The following SRP19 variants were observed in gnomAD, a reference collection of about 807,000 sequenced individuals.
SRP19 encodes signal recognition particle 19, also known as signal recognition particle 19 kDa protein.
In SRP19, 11 loss-of-function variants were observed where a neutral mutation model predicts 22.4. The ratio of observed to expected loss-of-function variants is 0.49; its 90% confidence interval spans 0.31 to 0.81. The LOEUF (loss-of-function observed/expected upper bound fraction) is 0.81, where lower values mean the gene tolerates loss of function less well. Ranked by LOEUF, SRP19 falls within the 40% of genes least tolerant of loss-of-function variation. The pLI is 0.05. For missense variants in SRP19, 168 were observed against 175.9 expected, an observed-to-expected ratio of 0.96 and a Z score of 0.25; for synonymous variants, 61 against 57.6, an observed-to-expected ratio of 1.06 and a Z score of -0.27.
At chr5:112,888,739 T>G (rs922463152) in intron 4 of SRP19, among the ~76,000 whole-genome samples, 3 of 150,992 alleles carry the variant, frequency 2.0e-5, no homozygotes, top group Non-Finnish European at 2.9e-5. Flanking sequence ...GACAGAGACT[T>G]GCTAGGCATG....
intron 2 of SRP19, among the ~76,000 whole-genome samples, chr5:112,863,568 G>T (rs1457396621): frequency 6.6e-6 from 1 of 152,130 alleles, no homozygotes; most frequent in African/African-American, 2.4e-5. Flanking sequence ...GTAGGGGTAG[G>T]GAGGCTGAGG....
downstream of SRP19, among the ~76,000 whole-genome samples, chr5:112,874,387 C>T (rs1401574838): frequency 6.6e-6 from 1 of 152,192 alleles, no homozygotes; most frequent in Non-Finnish European, 1.5e-5. Context: ...TTACTAGTCT[C>T]TACCAGTGGG....
exon 5 of SRP19, chr5:112,892,862 G>C: frequency 1.2e-6 from 2 of 1,613,388 alleles, no homozygotes; most frequent in African/African-American, 1.3e-5. Flanking sequence ...AGTAGTCATA[G>C]GGGGAAGAAA....
intron 4 of SRP19, among the ~76,000 whole-genome samples, chr5:112,889,272 T>C (rs1284536369): frequency 6.6e-6 from 1 of 150,852 alleles, no homozygotes; most frequent in Non-Finnish European, 1.5e-5. Flanking sequence ...TAGGACTAAA[T>C]TTTTTATAAA....
At chr5:112,872,604 G>A (rs1241257900), downstream of SRP19, among the ~76,000 whole-genome samples, 1 of 152,080 alleles carries the variant, frequency 6.6e-6, no homozygotes, top group Non-Finnish European at 1.5e-5. Flanking sequence ...GCTGGGATTA[G>A]GTGTGAGCCA....
intron 4 of SRP19, among the ~76,000 whole-genome samples, chr5:112,887,757 A>G (rs1768305481): frequency 6.6e-6 from 1 of 152,140 alleles, no homozygotes; most frequent in Non-Finnish European, 1.5e-5. Context: ...TATTATTCCT[A>G]ACTCCTTCTT....
At chr5:112,881,562 T>C (rs1485523298) in intron 4 of SRP19, among the ~76,000 whole-genome samples, 1 of 152,192 alleles carries the variant, frequency 6.6e-6, no homozygotes, top group African/African-American at 2.4e-5. Context: ...AAGTGGTGGC[T>C]GTTTCTTTCC....
intron 4 of SRP19, among the ~76,000 whole-genome samples, chr5:112,866,047 A>G (rs1368669621): frequency 6.6e-6 from 1 of 152,082 alleles, no homozygotes; most frequent in East Asian, 1.9e-4. Flanking sequence ...TTATTTTTAA[A>G]GACAAGGTCT....
intron 4 of SRP19, chr5:112,877,711 A>C (rs1416375089): frequency 3.3e-5 from 5 of 152,210 alleles, no homozygotes; most frequent in African/African-American, 4.8e-5. Context: ...AATTGCTCTT[A>C]GAGCTAGGTG....
intron 4 of SRP19, chr5:112,876,456 T>TAACA (rs1291326307): frequency 2.0e-5 from 3 of 152,236 alleles, no homozygotes; most frequent in Admixed American, 6.5e-5. Flanking sequence ...GGATAGGTGA[T>TAACA]AACAGTGTGA....
At chr5:112,896,039 A>T (rs75980664), downstream of SRP19, 1 of 152,594 alleles carries the variant, frequency 6.6e-6, no homozygotes, top group African/African-American at 2.4e-5. Flanking sequence ...CCCAGAAGAG[A>T]TATTTCCCAG....
In SRP19 at chr5:112,861,288, G is replaced by A. The variant is rs372312295; in HGVS notation, c.-89G>A. ...GGGCAGGACTTCCGGCGGAAAAGCGGGCTGTCTCGGAAACTCAGAGCCGGG... is the reference window on the plus strand; with the variant it reads ...GGGCAGGACTTCCGGCGGAAAAGCGAGCTGTCTCGGAAACTCAGAGCCGGG... On this transcript the variant is annotated 5_prime_UTR_variant, in exon 1 of 5. Transcript: ENST00000505459. The A allele has an allele frequency of 2.6e-4, 388 of 1,479,216 alleles. 3 individuals carry two copies. The East Asian group carries it at 7.0e-3, about 27-fold the overall frequency. 91.6% of individuals were successfully genotyped at this position (1,479,216 alleles called of 1,614,324 possible). A position where few individuals can be genotyped will look rare whatever the true frequency, so the allele number is the denominator to read the frequency against.
At chr5:112,862,710 G>T in intron 2 of SRP19, 127 bp downstream of exon 2, 1 of 791,734 alleles carries the variant, frequency 1.3e-6, no homozygotes, top group South Asian at 1.6e-5. Context: ...TGAGAACACA[G>T]CCAAGAATTG....
chr5:112,864,315 T>C, intron 2 of SRP19, 142 bp from the exon 3 acceptor site: 1 of 665,668 alleles, frequency 1.5e-6, no homozygotes, highest in South Asian at 2.0e-5. Flanking sequence ...AAAATTACAA[T>C]AGAAGCATCT....
intron 4 of SRP19, chr5:112,878,936 C>T: frequency 1.9e-6 from 3 of 1,569,592 alleles, no homozygotes; most frequent in Non-Finnish European, 1.7e-6. Context: ...GATAACAAAA[C>T]TTGGATGACT....
intron 1 of SRP19, 24 bp from the exon 2 acceptor site, chr5:112,862,484 C>T: frequency 1.2e-6 from 2 of 1,606,246 alleles, no homozygotes; most frequent in Non-Finnish European, 1.7e-6. Context: ...CTAGTGATAC[C>T]ACTTATGCTA....
At chr5:112,889,456 TA>T (rs1367618524) in intron 4 of SRP19, among the ~76,000 whole-genome samples, 2 of 150,948 alleles carry the variant, frequency 1.3e-5, no homozygotes, top group African/African-American at 4.9e-5. Flanking sequence ...AATAGGATGA[TA>T]AAGAAGGAAA....
chr5:112,868,373 T>A lies in SRP19; in HGVS notation c.*836T>A, dbSNP rs1312942440. On this transcript the variant is annotated 3_prime_UTR_variant, in exon 5 of 5. Transcript: ENST00000505459. ...GAATTCTGCAAGCTATCTCATATTTTCAGTAAATTCCATTTTTTTTAAGTT... is the reference window on the plus strand; with the variant it reads ...GAATTCTGCAAGCTATCTCATATTTACAGTAAATTCCATTTTTTTTAAGTT... 1 of 999,412 alleles carries A rather than the reference T, an allele frequency of 1.0e-6. No individual in the cohort carries two copies. Among genetic ancestry groups the A allele is most frequent in the Non-Finnish European group, 1.2e-6 (1 of 841,082 alleles). 61.9% of individuals were successfully genotyped at this position (999,412 alleles called of 1,614,324 possible).
Position 112,861,299 on chromosome 5 carries a change from A to C in SRP19, c.-78A>C, listed in dbSNP as rs1293499573. 15 of 1,563,420 alleles carry C rather than the reference A, an allele frequency of 9.6e-6. No homozygotes were observed. Among genetic ancestry groups the C allele is most frequent in the Non-Finnish European group, 1.2e-5 (14 of 1,134,346 alleles). Reference sequence around the variant, plus strand: ...CCGGCGGAAAAGCGGGCTGTCTCGGAAACTCAGAGCCGGGTTCCTCCCGGG... The same window carrying C: ...CCGGCGGAAAAGCGGGCTGTCTCGGCAACTCAGAGCCGGGTTCCTCCCGGG... On this transcript the variant is annotated 5_prime_UTR_variant, in exon 1 of 5. Transcript: ENST00000505459.
Sources: gnomAD v4.1 joint callset for allele counts (sites outside exome capture counted in the v4.1 genomes callset) on GRCh38, gnomAD v4.1.1 for gene constraint, MANE v1.5 for transcripts, NCBI Gene and HGNC (gene_info 2026-07-23, HGNC 2026-07-21) for gene names.